The following EPHA8 variants were observed in gnomAD, a reference collection of about 807,000 sequenced individuals.
EPHA8 encodes the protein ephrin type-A receptor 8.
Under a neutral mutation model 103.6 loss-of-function variants are expected in EPHA8, and 58 were observed. That is an observed-to-expected ratio of 0.56 (90% CI 0.45 to 0.70). EPHA8 has a LOEUF of 0.70. Ranked by LOEUF, EPHA8 falls within the 30% of genes least tolerant of loss-of-function variation. EPHA8 has a pLI of 0.00. For missense variants in EPHA8, 1,304 were observed against 1,395.2 expected (o/e 0.93, Z 1.04); for synonymous variants, 559 against 572.5 (o/e 0.98, Z 0.34).
Position 22,597,282 on chromosome 1 carries a change from C to T in EPHA8, c.1766-30C>T, listed in dbSNP as rs1471132217. The T allele has an allele frequency of 7.0e-6, 11 of 1,568,740 alleles. No homozygotes were observed. The highest frequency in any genetic ancestry group is 9.6e-6 in the Non-Finnish European group (11 of 1,147,416). Reference sequence around the variant, plus strand: ...CAGGAAAAAGCAATCTCTCCTGGGCCCCACTGAAGGCCCTCCTCCCGCCCC... The same window carrying T: ...CAGGAAAAAGCAATCTCTCCTGGGCTCCACTGAAGGCCCTCCTCCCGCCCC... On this transcript the variant is annotated intron_variant, in intron 9 of 16. Coordinates refer to ENST00000166244, the MANE Select transcript of EPHA8 (RefSeq NM_020526.5). The surrounding 1 kb of genome is among the most constrained non-coding windows in gnomAD (Gnocchi z 4.6).
chr1:22,595,312 C>T lies in EPHA8; in HGVS notation c.1686C>T (p.Ile562=). ...TGLVVLLLLL[I]CKKRHCGYSK... ...TGGTGGTGCTTCTGCTCCTGCTCATCTGCAAGAAGAGGTGGGTGGTCTGGC... is the reference window on the plus strand; with the variant it reads ...TGGTGGTGCTTCTGCTCCTGCTCATTTGCAAGAAGAGGTGGGTGGTCTGGC... The change falls in exon 8 of 17, where the codon ATC becomes ATT. Residue 562 remains isoleucine (I), a synonymous_variant. Coordinates refer to ENST00000166244, the MANE Select transcript of EPHA8 (RefSeq NM_020526.5). 1 of 1,613,554 alleles carries T rather than the reference C, an allele frequency of 6.2e-7. No individual in the cohort carries two copies.
chr1:22,599,730 AG>A (rs1557583416), intron 13 of EPHA8, among the ~76,000 whole-genome samples: 1 of 922 alleles, frequency 1.1e-3, no homozygotes, highest in Non-Finnish European at 2.4e-3. Flanking sequence ...GAGGGAGGGA[AG>A]GAAGGAGGGA....
At chr1:22,585,027 C>CTG (rs772415643) in intron 3 of EPHA8, among the ~76,000 whole-genome samples, 4,326 of 147,544 alleles carry the variant, frequency 0.029, 74 homozygotes, top group Middle Eastern at 0.085. Flanking sequence ...GGTCGTTTCT[C>CTG]TGTGTGTGTG....
Position 22,597,579 on chromosome 1 carries a change from G to T in EPHA8, c.1931-97G>T. 6.4e-7 allele frequency: 1 copy of T among 1,554,336 alleles called. No homozygotes were observed. The highest frequency in any genetic ancestry group is 8.7e-7 in the Non-Finnish European group (1 of 1,148,616). ...GGCAGAGGGAGCGTGTGACCCAGGG[G>T]TCTGGCAAGCCCAGGGGGTCCAAGG... On this transcript the variant is annotated intron_variant, in intron 10 of 16. Transcript: ENST00000166244. This position sits in a 1 kb window ranked among gnomAD's most constrained non-coding sequence, Gnocchi z 4.6.
chr1:22,595,179 C>A, intron 7 of EPHA8, 51 bp from the exon 8 acceptor site: 1 of 1,499,984 alleles, frequency 6.7e-7, no homozygotes. Flanking sequence ...ACCCCTGGGC[C>A]CAAGGCCAGG....
intron 2 of EPHA8, among the ~76,000 whole-genome samples, chr1:22,570,250 A>G (rs1269736088): frequency 1.3e-5 from 2 of 148,956 alleles, no homozygotes; most frequent in African/African-American, 5.2e-5. Context: ...ACACACATGC[A>G]CACACACGCA....
chr1:22,601,672 G>T lies in EPHA8; in HGVS notation c.2949G>T (p.Lys983Asn). The change falls in exon 17 of 17, where the codon AAG (lysine) becomes AAT (asparagine). Residue 983 changes from lysine to asparagine, a missense_variant. Physicochemically the swap from Lys to Asn is moderately conservative, Grantham distance 94. Transcript: ENST00000166244. ...LGITLMGHQK[K>N]ILGSIQTMRA... ...TCACCCTCATGGGCCACCAGAAGAAGATCCTGGGCAGCATTCAGACCATGC... is the reference window on the plus strand; with the variant it reads ...TCACCCTCATGGGCCACCAGAAGAATATCCTGGGCAGCATTCAGACCATGC... 2 of 1,594,612 alleles carry T rather than the reference G, an allele frequency of 1.3e-6. No individual in the cohort carries two copies. Among genetic ancestry groups the T allele is most frequent in the Non-Finnish European group, 1.7e-6 (2 of 1,170,708 alleles).
chr1:22,579,368 T>C (rs1395814451), intron 3 of EPHA8, among the ~76,000 whole-genome samples: 2 of 151,328 alleles, frequency 1.3e-5, no homozygotes, highest in African/African-American at 4.9e-5. Context: ...TGTGTATGTG[T>C]GCATGAGTGT....
At chr1:22,582,852 T>C (rs1641082692) in intron 3 of EPHA8, among the ~76,000 whole-genome samples, 1 of 152,254 alleles carries the variant, frequency 6.6e-6, no homozygotes. Flanking sequence ...TCCTGTCACC[T>C]GGACGCAGAA....
chr1:22,564,901 C>T (rs564629527), intron 1 of EPHA8, among the ~76,000 whole-genome samples: 1 of 152,258 alleles, frequency 6.6e-6, no homozygotes, highest in South Asian at 2.1e-4. Context: ...TGCTGCTCTT[C>T]CACGCCCAGA....
intron 1 of EPHA8, among the ~76,000 whole-genome samples, chr1:22,564,960 A>G (rs920664870): frequency 2.0e-5 from 3 of 152,128 alleles, no homozygotes; most frequent in Non-Finnish European, 4.4e-5. Flanking sequence ...GGCCCACCCT[A>G]CACACAAGCA....
intron 3 of EPHA8, among the ~76,000 whole-genome samples, chr1:22,584,614 G>A (rs1235212001): frequency 6.6e-6 from 1 of 152,154 alleles, no homozygotes; most frequent in Non-Finnish European, 1.5e-5. Flanking sequence ...GGTTCTCTCA[G>A]GCACTGAGTT....
chr1:22,586,412 G>A, intron 3 of EPHA8, 68 bp from the exon 4 acceptor site: 1 of 1,565,244 alleles, frequency 6.4e-7, no homozygotes, highest in Non-Finnish European at 8.7e-7. Flanking sequence ...GGGCCACAGT[G>A]TGAGCGGTCC....
intron 1 of EPHA8, among the ~76,000 whole-genome samples, chr1:22,566,677 G>A (rs900124107): frequency 2.0e-5 from 3 of 152,208 alleles, no homozygotes; most frequent in African/African-American, 4.8e-5. Flanking sequence ...TTCACAGTCC[G>A]GCAGCGCAAG....
At chr1:22,581,759 G>C (rs953898022) in intron 3 of EPHA8, among the ~76,000 whole-genome samples, 4 of 152,196 alleles carry the variant, frequency 2.6e-5, no homozygotes, top group Non-Finnish European at 5.9e-5. Context: ...ATAATACAAC[G>C]TAATTATGCC....
At chr1:22,595,412 C>T (rs757394447) in intron 8 of EPHA8, 89 bp downstream of exon 8, 5 of 1,096,256 alleles carry the variant, frequency 4.6e-6, no homozygotes, top group African/African-American at 3.1e-5. Flanking sequence ...CGGTGGTCCC[C>T]GTGTGCCTGG....
intron 3 of EPHA8, among the ~76,000 whole-genome samples, chr1:22,577,115 C>G (rs1640730635): frequency 1.3e-5 from 2 of 152,182 alleles, no homozygotes; most frequent in African/African-American, 4.8e-5. Flanking sequence ...GGGAGGGAAA[C>G]AGACCCCAGC....
chr1:22,595,958 C>T, intron 8 of EPHA8, 148 bp from the exon 9 acceptor site: 1 of 651,228 alleles, frequency 1.5e-6, no homozygotes. Context: ...GAGTCAGGGA[C>T]TCTCCCCTGC....
At chr1:22,581,336 A>C (rs1346769210) in intron 3 of EPHA8, among the ~76,000 whole-genome samples, 2 of 152,172 alleles carry the variant, frequency 1.3e-5, no homozygotes, top group African/African-American at 2.4e-5. Flanking sequence ...GTGCATACGC[A>C]CTCAGGGTCG....
Sources: gnomAD v4.1 joint callset for allele counts (sites outside exome capture counted in the v4.1 genomes callset) on GRCh38, gnomAD v4.1.1 for gene constraint, Gnocchi (gnomAD v3.1) non-coding constraint, MANE v1.5 for transcripts, NCBI Gene and HGNC (gene_info 2026-07-23, HGNC 2026-07-21) for gene names.